The following UVRAG variants were observed in gnomAD, a reference collection of about 807,000 sequenced individuals.
UVRAG encodes the protein UV radiation resistance associated.
A neutral mutation model predicts 78.0 loss-of-function variants in UVRAG; 19 were observed. The observed-to-expected ratio is 0.24, with a 90% confidence interval of 0.17 to 0.36. The LOEUF is 0.36. UVRAG is among the 10% of genes least tolerant of loss of function. UVRAG has a pLI of 1.00. For synonymous variants in UVRAG, 323 were observed against 324.6 expected, an observed-to-expected ratio of 1.00 and a Z score of 0.05; for missense variants, 740 against 853.8, an observed-to-expected ratio of 0.87 and a Z score of 1.66.
chr11:76,005,826 T>C (rs1949924571), intron 9 of UVRAG, among the ~76,000 whole-genome samples: 2 of 152,224 alleles, frequency 1.3e-5, no homozygotes, highest in Admixed American at 1.3e-4. Flanking sequence ...TAACCCTTAC[T>C]GGTTTATTAT....
In UVRAG at chr11:75,841,330, A is replaced by G. The variant is rs991939467; in HGVS notation, c.118-10553A>G. ...AACTGGCTGGTTTTTGTAACAACCA[A>G]TAAGCTAAGAATGGTTATTATATTG... is the stretch of plus-strand genomic sequence containing the variant. On this transcript the variant is annotated intron_variant, in intron 1 of 14. Coordinates refer to ENST00000356136, the MANE Select transcript of UVRAG (RefSeq NM_003369.4). Among the ~76,000 whole-genome samples the G allele has an allele frequency of 2.6e-5, 4 of 152,360 alleles. No homozygotes were observed. The South Asian group carries it at 6.2e-4, about 24-fold the overall frequency.
At position 75,815,593 on chromosome 11, in the gene UVRAG, C is replaced by T. The variant is rs552817848; in HGVS notation, c.117+69C>T. 3.2e-5 allele frequency: 32 copies of T among 1,015,580 alleles called. No homozygotes were observed. In the African/African-American group the frequency reaches 4.5e-4, roughly 14 times the overall value. The allele number at this position is 1,015,580 out of a possible 1,614,324, so 62.9% of individuals were successfully genotyped here. A position where few individuals can be genotyped will look rare whatever the true frequency, so the allele number is the denominator to read the frequency against. On this transcript the variant is annotated intron_variant, in intron 1 of 14. Transcript: ENST00000356136. ...GCCCGCGTGGAGAGCTTGCTGGCTC[C>T]GGGCTGACCCCGCGAGCCGGGACAC...
At position 75,920,049 on chromosome 11, in the gene UVRAG, G is replaced by A. The variant is rs1385722158; in HGVS notation, c.593+8010G>A. 3.8e-3 allele frequency among the ~76,000 whole-genome samples: 335 copies of A among 87,350 alleles called. 2 individuals are homozygous for A. The highest frequency in any genetic ancestry group is 0.015 in the African/African-American group (314 of 21,362). 57.3% of individuals were successfully genotyped at this position (87,350 alleles called of 152,430 possible). A position where few individuals can be genotyped will look rare whatever the true frequency, so the allele number is the denominator to read the frequency against. On this transcript the variant is annotated intron_variant, in intron 6 of 14. Transcript: ENST00000356136. ...TTTTTTTTTTTTTTTTTTTTGGGAC[G>A]AAGTCTCGCTCTGTTGCCCAGCCTG...
chr11:75,880,163 A>T (rs1946904687), intron 4 of UVRAG, 123 bp downstream of exon 4: 1 of 1,141,946 alleles, frequency 8.8e-7, no homozygotes, highest in Admixed American at 2.3e-5. Flanking sequence ...CTGTTTACTT[A>T]TATCACTAAG....
At chr11:76,056,532 T>G (rs192813031) in intron 12 of UVRAG, among the ~76,000 whole-genome samples, 1 of 152,354 alleles carries the variant, frequency 6.6e-6, no homozygotes, top group East Asian at 1.9e-4. Context: ...GGTTCTCTCC[T>G]TCTTTATTTT....
At chr11:76,085,539 G>A (rs1951574984) in intron 13 of UVRAG, among the ~76,000 whole-genome samples, 1 of 152,198 alleles carries the variant, frequency 6.6e-6, no homozygotes, top group African/African-American at 2.4e-5. Context: ...AGACATTCTG[G>A]ATGAAGGAAG....
chr11:75,902,165 T>G (rs1947517917), intron 5 of UVRAG, among the ~76,000 whole-genome samples: 1 of 152,170 alleles, frequency 6.6e-6, no homozygotes, highest in South Asian at 2.1e-4. Flanking sequence ...CATTAGAAAT[T>G]CTATTGGAAT....
In UVRAG at chr11:76,083,087, C is replaced by T. The variant is rs562582812; in HGVS notation, c.1305+17299C>T. Reference sequence around the variant, plus strand: ...TCCTTGTAACAAATCTGCATGTGTACCCCCTGAATCTAAAAGTTTAAACTA... The same window carrying T: ...TCCTTGTAACAAATCTGCATGTGTATCCCCTGAATCTAAAAGTTTAAACTA... On this transcript the variant is annotated intron_variant, in intron 13 of 14. Transcript: ENST00000356136. 2.0e-5 allele frequency among the ~76,000 whole-genome samples: 3 copies of T among 152,224 alleles called. No homozygotes were observed. The South Asian group carries it at 6.2e-4, about 32-fold the overall frequency.
intron 6 of UVRAG, 138 bp downstream of exon 6, chr11:75,912,177 A>G (rs1947755088): frequency 1.1e-5 from 7 of 634,318 alleles, no homozygotes; most frequent in Non-Finnish European, 1.6e-5. Context: ...AAGCGTCATA[A>G]ATTTTGTAGC....
At position 75,985,933 on chromosome 11, in the gene UVRAG, A is replaced by G. The variant is rs1014099864; in HGVS notation, c.826+2420A>G. 3.9e-5 allele frequency among the ~76,000 whole-genome samples: 6 copies of G among 152,010 alleles called. No individual in the cohort carries two copies. The South Asian group carries it at 1.0e-3, about 26-fold the overall frequency. On this transcript the variant is annotated intron_variant, in intron 8 of 14. Transcript: ENST00000356136. ...TTGCTGTTTTAATTTTTTTCATGTT[A>G]TAATAGGTGTTGATATCCATTAAAG...
chr11:75,818,874 T>C (rs1945323900), intron 1 of UVRAG, among the ~76,000 whole-genome samples: 1 of 152,196 alleles, frequency 6.6e-6, no homozygotes, highest in African/African-American at 2.4e-5. Context: ...CCCAACCTTC[T>C]TCTAAGATGG....
chr11:76,045,521 A>AT (rs1002792734), intron 12 of UVRAG, among the ~76,000 whole-genome samples: 6 of 152,176 alleles, frequency 3.9e-5, no homozygotes, highest in South Asian at 2.1e-4. Flanking sequence ...GTTTGTTGGG[A>AT]TTTTTTTTAG....
intron 14 of UVRAG, among the ~76,000 whole-genome samples, chr11:76,119,364 C>G (rs1371301849): frequency 6.6e-6 from 1 of 152,088 alleles, no homozygotes; most frequent in Non-Finnish European, 1.5e-5. Flanking sequence ...CCTCTCTACC[C>G]TCTTCTTAAG....
At chr11:76,062,521 C>T (rs933804753) in intron 12 of UVRAG, among the ~76,000 whole-genome samples, 2 of 152,140 alleles carry the variant, frequency 1.3e-5, no homozygotes, top group African/African-American at 2.4e-5. Flanking sequence ...TTCTTTTTCT[C>T]TCTGAAAGTC....
In UVRAG at chr11:75,861,767, T is replaced by C; in HGVS notation, c.257T>C (p.Ile86Thr). 1 of 1,607,492 alleles carries C rather than the reference T, an allele frequency of 6.2e-7. No homozygotes were observed. The change falls in exon 3 of 15, where the codon ATT becomes ACT. Residue 86 changes from isoleucine to threonine, a missense_variant. Coordinates refer to ENST00000356136, the MANE Select transcript of UVRAG (RefSeq NM_003369.4). ...CCAGAATTTTATAGAAGTGAAGTGATTAAGAATTCCTTGGTAAGTTTGCTT... is the reference window on the plus strand; with the variant it reads ...CCAGAATTTTATAGAAGTGAAGTGACTAAGAATTCCTTGGTAAGTTTGCTT... ...IYKEFYRSEV[I>T]KNSLNPTWRS...
chr11:76,097,829 A>G (rs1290095563), intron 13 of UVRAG, among the ~76,000 whole-genome samples: 1 of 152,158 alleles, frequency 6.6e-6, no homozygotes, highest in Non-Finnish European at 1.5e-5. Flanking sequence ...TCATTCTGTT[A>G]AACATATATA....
At chr11:76,002,715 G>T (rs529690401) in intron 8 of UVRAG, among the ~76,000 whole-genome samples, 1 of 152,280 alleles carries the variant, frequency 6.6e-6, no homozygotes, top group African/African-American at 2.4e-5. Context: ...GTTAAATTCT[G>T]TTGGGGTCAG....
chr11:76,120,839 G>A (rs550822034), intron 14 of UVRAG, among the ~76,000 whole-genome samples: 6 of 152,316 alleles, frequency 3.9e-5, no homozygotes, highest in South Asian at 4.1e-4. Flanking sequence ...GAGAGCAGCC[G>A]TGGAGTGAGG....
intron 4 of UVRAG, among the ~76,000 whole-genome samples, chr11:75,883,398 AAAG>A (rs1346775942): frequency 5.3e-5 from 8 of 151,880 alleles, no homozygotes; most frequent in African/African-American, 1.9e-4. Context: ...GAAAAAAAAA[AAAG>A]AAAAAACATG....
Sources: gnomAD v4.1 joint callset for allele counts (sites outside exome capture counted in the v4.1 genomes callset) on GRCh38, gnomAD v4.1.1 for gene constraint, MANE v1.5 for transcripts, NCBI Gene and HGNC (gene_info 2026-07-23, HGNC 2026-07-21) for gene names.